SDK2: variants seen among roughly 807,000 people sequenced by gnomAD.
SDK2 encodes sidekick cell adhesion molecule 2.
A neutral mutation model predicts 253.9 loss-of-function variants in SDK2; 105 were observed. The observed-to-expected ratio is 0.41, with a 90% CI of 0.35 to 0.49. SDK2 has a LOEUF of 0.49. SDK2 is among the 20% of genes least tolerant of loss of function. The probability of loss-of-function intolerance (pLI) is 0.06; values close to 1 mark genes in which losing one functional copy is unlikely to be tolerated. For missense variants in SDK2, 2,608 were observed against 3,003.0 expected (o/e 0.87, Z 3.07); for synonymous variants, 1,249 against 1,234.9 (o/e 1.01, Z -0.24).
chr17:73,466,158 A>T (rs950120901), intron 3 of SDK2, among the ~76,000 whole-genome samples: 1 of 152,176 alleles, frequency 6.6e-6, no homozygotes, highest in Non-Finnish European at 1.5e-5. Context: ...GGTTTGCCTC[A>T]GCCTAGTCCA....
At chr17:73,552,723 G>A (rs891936172) in intron 1 of SDK2, among the ~76,000 whole-genome samples, 19 of 152,318 alleles carry the variant, frequency 1.2e-4, no homozygotes, top group African/African-American at 4.3e-4. Context: ...GCTTGAGGAC[G>A]GTGCTACTAC....
At chr17:73,440,688 A>G in intron 6 of SDK2, 124 bp downstream of exon 6, 2 of 740,618 alleles carry the variant, frequency 2.7e-6, no homozygotes, top group South Asian at 1.5e-5. Flanking sequence ...GTCTCCTTGC[A>G]TCCCTCCTCC....
intron 16 of SDK2, among the ~76,000 whole-genome samples, chr17:73,418,100 T>C (rs1193872661): frequency 2.1e-5 from 3 of 146,122 alleles, no homozygotes; most frequent in Non-Finnish European, 4.5e-5. Context: ...CTCTGCCTCC[T>C]GGGTTCAAGT....
chr17:73,480,185 C>G (rs1350477305), intron 2 of SDK2, among the ~76,000 whole-genome samples: 1 of 152,212 alleles, frequency 6.6e-6, no homozygotes, highest in Non-Finnish European at 1.5e-5. Flanking sequence ...GTAACTTACC[C>G]CAGGTCACAC....
chr17:73,377,441 T>G (rs1394132609), intron 36 of SDK2, among the ~76,000 whole-genome samples: 1 of 149,192 alleles, frequency 6.7e-6, no homozygotes, highest in Non-Finnish European at 1.5e-5. Context: ...CTGGTCTCGA[T>G]CTCCTGACCT....
chr17:73,523,150 T>A (rs191191532), intron 1 of SDK2, among the ~76,000 whole-genome samples: 12 of 152,252 alleles, frequency 7.9e-5, no homozygotes, highest in African/African-American at 2.9e-4. Context: ...CTTAGCCTCA[T>A]TTTTTCCACC....
At chr17:73,565,843 G>T (rs942448387) in intron 1 of SDK2, among the ~76,000 whole-genome samples, 5 of 152,066 alleles carry the variant, frequency 3.3e-5, no homozygotes, top group Admixed American at 6.5e-5. Context: ...TTGTTTTTTT[G>T]AGATGGAGTC....
intron 1 of SDK2, among the ~76,000 whole-genome samples, chr17:73,617,219 A>G (rs1262538575): frequency 8.3e-6 from 1 of 119,768 alleles, no homozygotes; most frequent in Non-Finnish European, 1.7e-5. Flanking sequence ...AGAGGAGGGG[A>G]GAGGGCTCCC....
intron 1 of SDK2, among the ~76,000 whole-genome samples, chr17:73,591,595 C>G (rs1290075788): frequency 6.6e-6 from 1 of 152,158 alleles, no homozygotes; most frequent in African/African-American, 2.4e-5. Context: ...TTGGGGAATG[C>G]TGGTGCTCAA....
At chr17:73,403,596 G>T (rs919257883) in intron 18 of SDK2, among the ~76,000 whole-genome samples, 4 of 152,126 alleles carry the variant, frequency 2.6e-5, no homozygotes, top group African/African-American at 7.2e-5. Flanking sequence ...ATAAGCACGG[G>T]TATTTATAGA....
At chr17:73,393,286 G>A (rs1442579837) in intron 27 of SDK2, among the ~76,000 whole-genome samples, 2 of 151,334 alleles carry the variant, frequency 1.3e-5, no homozygotes, top group Admixed American at 6.6e-5. Flanking sequence ...TAAAACGGGT[G>A]CAAGTCCCTA....
In SDK2 at chr17:73,394,209, C is replaced by G. The variant is rs781437461; in HGVS notation, c.3708G>C (p.Lys1236Asn). Residue 1236 changes from lysine (K) to asparagine (N), a missense_variant and splice_region_variant, in exon 26 of 45, where the codon AAG becomes AAC. By Grantham distance (94) the Lys-to-Asn change is moderately conservative. Around this residue, in one of 2 missense-constraint regions of SDK2, gnomAD observed 1,505 missense variants for 1,859.1 expected, o/e 0.81. Coordinates refer to ENST00000392650, the MANE Select transcript of SDK2 (RefSeq NM_001144952.2). ...ADRNGLVLGY[K>N]VMYKEKDSDT... is the part of the protein sequence containing the mutation. The stretch of plus-strand genomic sequence containing the variant: ...CACCTCCTGGGATCCCGGGACTCAC[C>G]TTATAGCCCAGCACGAGCCCGTTGC... The G allele has an allele frequency of 1.9e-6, 3 of 1,553,592 alleles. No homozygotes were observed. Among genetic ancestry groups the G allele is most frequent in the Non-Finnish European group, 2.6e-6 (3 of 1,144,632 alleles).
chr17:73,634,862 C>A (rs908605521), intron 1 of SDK2, among the ~76,000 whole-genome samples: 9 of 152,212 alleles, frequency 5.9e-5, no homozygotes, highest in Non-Finnish European at 1.2e-4. Context: ...CACAACCCAA[C>A]TGTTATCCTC....
Position 73,402,088 on chromosome 17 carries a change from C to A in SDK2, c.2538G>T (p.Arg846=). 2 of 1,614,030 alleles carry A rather than the reference C, an allele frequency of 1.2e-6. No homozygotes were observed. The highest frequency in any genetic ancestry group is 1.7e-6 in the Non-Finnish European group (2 of 1,179,896). ...QEEEVTMVTA[R]PNFQDSIHVG... Reference sequence around the variant, plus strand: ...CGTGGATGCTGTCTTGAAAGTTAGGCCGGGCGGTCACCATGGTAACCTCCT... The same window carrying A: ...CGTGGATGCTGTCTTGAAAGTTAGGACGGGCGGTCACCATGGTAACCTCCT... The change falls in exon 19 of 45, where the codon CGG becomes CGT. Residue 846 remains arginine (R), a synonymous_variant. Coordinates refer to ENST00000392650, the MANE Select transcript of SDK2 (RefSeq NM_001144952.2).
In SDK2 at chr17:73,456,084, G is replaced by A. The variant is rs376135666; in HGVS notation, c.332-31C>T. 1.8e-5 allele frequency: 26 copies of A among 1,453,192 alleles called. 1 individual carries two copies. In the East Asian group the frequency reaches 1.9e-4, roughly 11 times the overall value. The allele number at this position is 1,453,192 out of a possible 1,614,324, so 90.0% of individuals were successfully genotyped here. A position where few individuals can be genotyped will look rare whatever the true frequency, so the allele number is the denominator to read the frequency against. On this transcript the variant is annotated intron_variant, in intron 3 of 44. Coordinates refer to ENST00000392650, the MANE Select transcript of SDK2 (RefSeq NM_001144952.2). Reference sequence around the variant, plus strand: ...GCCGGGACAACGGCAGTAGGATCAGGGGCGGGAGGTCAGCCTCAGGGACTG... The same window carrying A: ...GCCGGGACAACGGCAGTAGGATCAGAGGCGGGAGGTCAGCCTCAGGGACTG...
intron 1 of SDK2, among the ~76,000 whole-genome samples, chr17:73,602,577 G>A (rs1319685172): frequency 1.3e-4 from 19 of 150,446 alleles, no homozygotes; most frequent in Non-Finnish European, 2.7e-4. Flanking sequence ...TTTGATGCCA[G>A]ATAGAAATAA....
At chr17:73,457,226 C>G (rs957810653) in intron 3 of SDK2, among the ~76,000 whole-genome samples, 1 of 3,732 alleles carries the variant, frequency 2.7e-4, no homozygotes, top group African/African-American at 6.0e-4. Context: ...CTTTTCTCTT[C>G]CTTCCTTCCT....
intron 1 of SDK2, among the ~76,000 whole-genome samples, chr17:73,514,215 AGAGCCTGAGCTGCTTAAAT>A (rs1249513433): frequency 6.6e-6 from 1 of 152,182 alleles, no homozygotes; most frequent in Non-Finnish European, 1.5e-5. Flanking sequence ...CCGGACCAGC[AGAGCCTGAGCTGCTTAAAT>A]GAAGAGCGGC....
rs751628670 is a variant in SDK2, at chr17:73,390,378, T to C, written c.4101A>G (p.Pro1367=). ...ARQYTATGLK[P]ESVYLFRITA... is the part of the protein sequence containing the mutation. ...TGATGCGGAACAGGTAGACAGACTC[T>C]GGCTTGAGGCCCGTGGCTGTGTACT... The change falls in exon 29 of 45, where the codon CCA becomes CCG. Residue 1367 remains proline (P), a synonymous_variant. Transcript: ENST00000392650. The C allele has an allele frequency of 2.2e-5, 36 of 1,612,742 alleles. No homozygotes were observed. Among genetic ancestry groups the C allele is most frequent in the African/African-American group, 1.3e-5 (1 of 74,914 alleles).
Sources: allele counts gnomAD v4.1 joint callset (sites outside exome capture counted in the v4.1 genomes callset), GRCh38; gene constraint gnomAD v4.1.1; regional missense constraint gnomAD v4.1.1; transcripts MANE v1.5; gene names NCBI Gene and HGNC (gene_info 2026-07-23, HGNC 2026-07-21).